The following AGMO variants were observed in gnomAD, a reference collection of about 807,000 sequenced individuals.
The protein encoded by AGMO is glyceryl-ether monooxygenase.
AGMO carries 75 observed loss-of-function variants against 60.2 expected under a neutral mutation model. The observed-to-expected ratio is 1.25, with a 90% CI of 1.03 to 1.51. The LOEUF (loss-of-function observed/expected upper bound fraction) is 1.51. Ranked by LOEUF, AGMO falls within the 40% of genes most tolerant of loss-of-function variation. The pLI is 0.00. For synonymous variants in AGMO, 261 were observed against 177.1 expected (o/e 1.47, Z -3.76); for missense variants, 763 against 525.5 (o/e 1.45, Z -4.42).
intron 10 of AGMO, among the ~76,000 whole-genome samples, chr7:15,378,216 A>G (rs1433974124): frequency 2.0e-5 from 3 of 152,012 alleles, no homozygotes; most frequent in African/African-American, 7.2e-5. Context: ...AAAAAATTAT[A>G]TTTGGACAGA....
intron 12 of AGMO, among the ~76,000 whole-genome samples, chr7:15,273,949 T>C (rs545482864): frequency 2.0e-5 from 3 of 152,318 alleles, no homozygotes; most frequent in Admixed American, 1.3e-4. Context: ...ATAAGAATGC[T>C]TGTGATTTTT....
At chr7:15,120,590 G>A in the AGMO span, among the ~76,000 whole-genome samples, 1 of 152,102 alleles carries the variant, frequency 6.6e-6, no homozygotes, top group East Asian at 1.9e-4. Flanking sequence ...TCCAGAAGAA[G>A]GTCTTCAGCA....
intron 3 of AGMO, among the ~76,000 whole-genome samples, chr7:15,530,699 T>TATATTCTATATATACATTTCTAG (rs1784289007): frequency 8.6e-6 from 1 of 115,954 alleles, no homozygotes; most frequent in Non-Finnish European, 1.9e-5. Context: ...TATTTCTACA[T>TATATTCTATATATACATTTCTAG]ATATTCTATA....
intron 3 of AGMO, among the ~76,000 whole-genome samples, chr7:15,453,549 C>A (rs916569517): frequency 2.0e-5 from 3 of 152,162 alleles, no homozygotes; most frequent in African/African-American, 7.2e-5. Context: ...TAACACAGAG[C>A]TAGAGATGGT....
In AGMO at chr7:15,449,307, T is replaced by C. The variant is rs536769809; in HGVS notation, c.410-18199A>G. Among the ~76,000 whole-genome samples, 156 of 149,764 alleles carry C rather than the reference T, an allele frequency of 1.0e-3. 1 individual carries two copies. Among genetic ancestry groups the C allele is most frequent in the African/African-American group, 3.8e-3 (152 of 40,382 alleles). On this transcript the variant is annotated intron_variant, in intron 3 of 12. Transcript: ENST00000342526. ...ATAATAATTCCCTACAAGCCTGAAA[T>C]TTAGCATATTAAGAGTGCTTCTCTT... is the stretch of plus-strand genomic sequence containing the variant.
rs139723605 is a variant in AGMO, at chr7:15,210,182, T to C, written c.1264-8823A>G. ...TTTTCTTTTTCCTTATGAAATAAGA[T>C]TAAAGTGTGCACTTAATTTGATTGA... On this transcript the variant is annotated intron_variant, in intron 12 of 12. Coordinates refer to ENST00000342526, the MANE Select transcript of AGMO (RefSeq NM_001004320.2). 1.9e-3 allele frequency among the ~76,000 whole-genome samples: 289 copies of C among 152,276 alleles called. 1 individual carries two copies. The highest frequency in any genetic ancestry group is 3.1e-3 in the Admixed American group (47 of 15,286).
At chr7:15,394,466 G>C (rs552603964) in intron 5 of AGMO, among the ~76,000 whole-genome samples, 1 of 152,220 alleles carries the variant, frequency 6.6e-6, no homozygotes, top group East Asian at 1.9e-4. Flanking sequence ...TGTGATCCTG[G>C]GGAAACGACT....
intron 3 of AGMO, among the ~76,000 whole-genome samples, chr7:15,493,323 C>CACACA (rs1445320585): frequency 9.2e-5 from 11 of 119,128 alleles, no homozygotes; most frequent in African/African-American, 3.7e-4. Flanking sequence ...CACACGCGCA[C>CACACA]AAACACACAA....
intron 12 of AGMO, among the ~76,000 whole-genome samples, chr7:15,257,043 T>TA (rs1342076511): frequency 2.0e-5 from 3 of 152,306 alleles, no homozygotes; most frequent in Non-Finnish European, 4.4e-5. Context: ...TCTATACTTC[T>TA]AAAATGAAAG....
At chr7:15,363,828 A>G (rs1782857708) in intron 12 of AGMO, among the ~76,000 whole-genome samples, 1 of 152,086 alleles carries the variant, frequency 6.6e-6, no homozygotes, top group Non-Finnish European at 1.5e-5. Flanking sequence ...TATCACCATA[A>G]ACCTAAGAGT....
chr7:15,383,552 T>A (rs1034937708), intron 10 of AGMO, among the ~76,000 whole-genome samples: 38 of 152,280 alleles, frequency 2.5e-4, no homozygotes, highest in African/African-American at 8.9e-4. Flanking sequence ...TACAGTAACA[T>A]CTTCATACTT....
intron 10 of AGMO, among the ~76,000 whole-genome samples, chr7:15,371,424 C>T (rs187256978): frequency 4.3e-4 from 65 of 150,804 alleles, no homozygotes; most frequent in Non-Finnish European, 8.0e-4. Context: ...GAATTTCGTT[C>T]TTGTTGCCCA....
intron 10 of AGMO, among the ~76,000 whole-genome samples, chr7:15,381,594 A>G (rs1452157914): frequency 6.6e-6 from 1 of 152,190 alleles, no homozygotes; most frequent in Admixed American, 6.6e-5. Flanking sequence ...AATTAGTTCA[A>G]TCGTTGTGGA....
At chr7:15,217,217 C>G (rs1363233539) in intron 12 of AGMO, among the ~76,000 whole-genome samples, 1 of 151,748 alleles carries the variant, frequency 6.6e-6, no homozygotes, top group East Asian at 1.9e-4. Flanking sequence ...TGTTGGGGCC[C>G]CCAAAGAAAG....
intron 12 of AGMO, among the ~76,000 whole-genome samples, chr7:15,328,501 A>G (rs1781412888): frequency 6.6e-6 from 1 of 152,164 alleles, no homozygotes; most frequent in South Asian, 2.1e-4. Flanking sequence ...TAATTGTAAG[A>G]AATTCCCTCT....
Position 15,452,999 on chromosome 7 carries a change from T to C in AGMO, c.410-21891A>G, listed in dbSNP as rs760634354. On this transcript the variant is annotated intron_variant, in intron 3 of 12. Transcript: ENST00000342526. The stretch of plus-strand genomic sequence containing the variant: ...GACTTATCGTGAATGATTTCATTTA[T>C]ATGAAATATTCAAAATAGGCAACTC... Among the ~76,000 whole-genome samples the C allele has an allele frequency of 7.2e-5, 11 of 152,140 alleles. 1 individual carries two copies. The highest frequency in any genetic ancestry group is 2.4e-4 in the African/African-American group (10 of 41,438).
intron 3 of AGMO, among the ~76,000 whole-genome samples, chr7:15,460,477 C>T (rs1374553898): frequency 2.6e-5 from 4 of 151,970 alleles, no homozygotes; most frequent in Non-Finnish European, 5.9e-5. Context: ...CAGAAATGAA[C>T]AGAATATATT....
At position 15,385,454 on chromosome 7, in the gene AGMO, C is replaced by A; in HGVS notation, c.1066G>T (p.Asp356Tyr). 1 of 1,575,962 alleles carries A rather than the reference C, an allele frequency of 6.3e-7. No homozygotes were observed. The highest frequency in any genetic ancestry group is 8.7e-7 in the Non-Finnish European group (1 of 1,146,326). Residue 356 changes from aspartate to tyrosine, a missense_variant, in exon 10 of 13, where the codon GAT becomes TAT. Physicochemically the swap from Asp to Tyr is radical, Grantham distance 160. Transcript: ENST00000342526. ...AAATGGATATTACTTACAGCTGTAT[C>A]TGCAAAGGTCTCTTCATAAAATGCC... is the stretch of plus-strand genomic sequence containing the variant. ...MLAFYEETFA[D>Y]TAALSQVTLL...
At chr7:15,294,006 G>A (rs1784347634) in intron 12 of AGMO, among the ~76,000 whole-genome samples, 1 of 152,056 alleles carries the variant, frequency 6.6e-6, no homozygotes, top group East Asian at 1.9e-4. Flanking sequence ...GCTTAACAGT[G>A]ACTAAAATTT....
Sources: allele counts gnomAD v4.1 joint callset (sites outside exome capture counted in the v4.1 genomes callset), GRCh38; gene constraint gnomAD v4.1.1; transcripts MANE v1.5; gene names NCBI Gene and HGNC (gene_info 2026-07-23, HGNC 2026-07-21).